SLC6A12: variants seen among roughly 807,000 people sequenced by gnomAD.
SLC6A12 encodes the protein solute carrier family 6 member 12.
Under a neutral mutation model 73.3 loss-of-function variants are expected in SLC6A12, and 50 were observed. The observed-to-expected ratio is 0.68, with a 90% CI of 0.54 to 0.86. SLC6A12 has a LOEUF of 0.86. SLC6A12 is among the 40% of genes least tolerant of loss of function. SLC6A12 has a pLI of 0.00. For synonymous variants in SLC6A12, 304 were observed against 309.2 expected, an observed-to-expected ratio of 0.98 and a Z score of 0.18; for missense variants, 648 against 772.8, an observed-to-expected ratio of 0.84 and a Z score of 1.92.
chr12:200,651 C>CT lies in SLC6A12; in HGVS notation c.710dup (p.Val238GlyfsTer117). 2 of 1,613,902 alleles carry CT rather than the reference C, an allele frequency of 1.2e-6. No homozygotes were observed. The highest frequency in any genetic ancestry group is 8.5e-7 in the Non-Finnish European group (1 of 1,179,890). On this transcript the variant is annotated frameshift_variant and splice_region_variant, in exon 7 of 16. Transcript: ENST00000684302. LOFTEE classifies it high-confidence loss of function. Reference sequence around the variant, plus strand: ...CTTCCCAGGAGGCAGGACATCTCACCTTGCCTGTGGACTTGACCCCCTTCC... The same window carrying CT: ...CTTCCCAGGAGGCAGGACATCTCACCTTTGCCTGTGGACTTGACCCCCTTCC...
intron 2 of SLC6A12, chr12:210,396 T>A (rs903207931): frequency 9.1e-7 from 1 of 1,102,400 alleles, no homozygotes; most frequent in African/African-American, 1.6e-5. Flanking sequence ...GTCTGCTGAG[T>A]GACCTCAGCC....
chr12:208,166 A>G (rs184609968), intron 3 of SLC6A12, among the ~76,000 whole-genome samples: 16 of 152,210 alleles, frequency 1.1e-4, no homozygotes, highest in Non-Finnish European at 1.5e-4. Context: ...TAGTCTGAGC[A>G]CCTCCATCTC....
At position 198,850 on chromosome 12, in the gene SLC6A12, G is replaced by C; in HGVS notation, c.793C>G (p.Gln265Glu). ...GGCTTCAAGTAGTAGATGATGCCCT[G>C]GTAGGCTCCGGGAAGGGTGACACCT... is the stretch of plus-strand genomic sequence containing the variant. ...IRGVTLPGAY[Q>E]GIIYYLKPDL... The change falls in exon 8 of 16, where the codon CAG (glutamine) becomes GAG (glutamate). Residue 265 changes from glutamine (Q) to glutamate (E), a missense_variant. Physicochemically the swap from Gln to Glu is conservative, Grantham distance 29. Coordinates refer to ENST00000684302, the MANE Select transcript of SLC6A12 (RefSeq NM_001122848.3). The surrounding 1 kb of genome is among the most constrained non-coding windows in gnomAD (Gnocchi z 4.0). The C allele has an allele frequency of 1.2e-6, 2 of 1,614,124 alleles. No individual in the cohort carries two copies. Among genetic ancestry groups the C allele is most frequent in the Non-Finnish European group, 8.5e-7 (1 of 1,179,986 alleles).
At position 201,085 on chromosome 12, in the gene SLC6A12, G is replaced by T. The variant is rs1054314178; in HGVS notation, c.579-302C>A. On this transcript the variant is annotated intron_variant, in intron 6 of 15. Transcript: ENST00000684302. Reference sequence around the variant, plus strand: ...AGAGAGTAGATATTTATACATGCAGGTTGATGGGCAAGTGCATGGGTATCC... The same window carrying T: ...AGAGAGTAGATATTTATACATGCAGTTTGATGGGCAAGTGCATGGGTATCC... The T allele has an allele frequency of 8.4e-5, 24 of 286,714 alleles. No homozygotes were observed. In the Admixed American group the frequency reaches 1.0e-3, roughly 12 times the overall value. 17.8% of individuals were successfully genotyped at this position (286,714 alleles called of 1,614,324 possible). A position where few individuals can be genotyped will look rare whatever the true frequency, so the allele number is the denominator to read the frequency against.
At position 198,545 on chromosome 12, in the gene SLC6A12, C is replaced by A. The variant is rs1033059428; in HGVS notation, c.846+252G>T. 9 of 368,220 alleles carry A rather than the reference C, an allele frequency of 2.4e-5. No homozygotes were observed. Among genetic ancestry groups the A allele is most frequent in the Non-Finnish European group, 3.9e-5 (8 of 203,658 alleles). 22.8% of individuals were successfully genotyped at this position (368,220 alleles called of 1,614,324 possible). A position where few individuals can be genotyped will look rare whatever the true frequency, so the allele number is the denominator to read the frequency against. On this transcript the variant is annotated intron_variant, in intron 8 of 15. Coordinates refer to ENST00000684302, the MANE Select transcript of SLC6A12 (RefSeq NM_001122848.3). This position sits in a 1 kb window ranked among gnomAD's most constrained non-coding sequence, Gnocchi z 4.0. ...CACCACTGCACTCCAGCCTGGGGGA[C>A]AGAGCCAGACCCTGCCTGTCTCTAA... is the stretch of plus-strand genomic sequence containing the variant.
At chr12:206,532 C>T (rs745551523) in intron 3 of SLC6A12, among the ~76,000 whole-genome samples, 4 of 152,174 alleles carry the variant, frequency 2.6e-5, no homozygotes, top group East Asian at 1.9e-4. Flanking sequence ...TTTTTAAATA[C>T]GCATTTCCAA....
chr12:203,059 C>CTTTTTTTTTTTTTTT (rs10582500), intron 4 of SLC6A12, among the ~76,000 whole-genome samples, 179 bp from the exon 5 acceptor site: 6 of 68,340 alleles, frequency 8.8e-5, no homozygotes, highest in Non-Finnish European at 1.5e-4. Flanking sequence ...TTTTTCTTTT[C>CTTTTTTTTTTTTTTT]TTTTTTTTTT....
intron 3 of SLC6A12, chr12:204,924 G>C (rs1940550891): frequency 2.0e-6 from 1 of 491,900 alleles, no homozygotes; most frequent in South Asian, 3.5e-5. Flanking sequence ...GAAAGGCCTT[G>C]GAAGGGAAAT....
Position 196,130 on chromosome 12 carries a change from G to T in SLC6A12, c.1320C>A (p.Val440=). The change falls in exon 12 of 16, where the codon GTC becomes GTA. Residue 440 remains valine (V), a synonymous_variant. Transcript: ENST00000684302. ...GCCGGCGGCCGCAGCTCACCTCGGTGACCAGGAAAAGCCCTATCAGGTAGC... is the reference window on the plus strand; with the variant it reads ...GCCGGCGGCCGCAGCTCACCTCGGTTACCAGGAAAAGCCCTATCAGGTAGC... ...VMCYLIGLFL[V]TEGGMYIFQL... 2 of 1,559,256 alleles carry T rather than the reference G, an allele frequency of 1.3e-6. No individual in the cohort carries two copies. Among genetic ancestry groups the T allele is most frequent in the South Asian group, 2.4e-5 (2 of 84,702 alleles).
rs556743181 is a variant in SLC6A12, at chr12:198,078, G to A, written c.847-75C>T. 1.0e-4 allele frequency: 119 copies of A among 1,173,492 alleles called. 1 individual carries two copies. Among genetic ancestry groups the A allele is most frequent in the East Asian group, 1.7e-4 (7 of 42,354 alleles). The allele number at this position is 1,173,492 out of a possible 1,614,324, so 72.7% of individuals were successfully genotyped here. On this transcript the variant is annotated intron_variant, in intron 8 of 15. Transcript: ENST00000684302. The surrounding 1 kb of genome is among the most constrained non-coding windows in gnomAD (Gnocchi z 4.0). ...CCAGGGTGACCCGAGATCCAGACCC[G>A]TCCCCTGCAGCACCAGCCTGGCCCC...
intron 12 of SLC6A12, 41 bp downstream of exon 12, chr12:196,083 T>A: frequency 1.9e-6 from 3 of 1,541,210 alleles, no homozygotes; most frequent in Non-Finnish European, 2.6e-6. Flanking sequence ...CGTGGCTCCC[T>A]CCCCTGGAGC....
At chr12:204,518 G>A (rs750416201) in intron 4 of SLC6A12, 46 bp downstream of exon 4, 3 of 1,594,620 alleles carry the variant, frequency 1.9e-6, no homozygotes, top group South Asian at 2.2e-5. Context: ...GGGGATGCAG[G>A]CAAGATGGCG....
chr12:191,048 G>A lies in SLC6A12; in HGVS notation c.*20C>T, dbSNP rs751890854. On this transcript the variant is annotated 3_prime_UTR_variant, in exon 16 of 16. Transcript: ENST00000684302. ...GACCTAGGTTCCCGGCTTAGGAGCC[G>A]CCTGGCCTCTGGCCACACCCTACAA... The A allele has an allele frequency of 2.8e-5, 36 of 1,301,120 alleles. No homozygotes were observed. Among genetic ancestry groups the A allele is most frequent in the South Asian group, 1.3e-4 (4 of 30,282 alleles). 80.6% of individuals were successfully genotyped at this position (1,301,120 alleles called of 1,614,324 possible). A position where few individuals can be genotyped will look rare whatever the true frequency, so the allele number is the denominator to read the frequency against.
At chr12:206,203 C>T (rs370945864) in intron 3 of SLC6A12, among the ~76,000 whole-genome samples, 34 of 152,294 alleles carry the variant, frequency 2.2e-4, no homozygotes, top group African/African-American at 5.3e-4. Flanking sequence ...CATCCCAGAC[C>T]GAAACTCTGT....
chr12:187,589 C>CAAAAAAAAAA (rs761187495), downstream of SLC6A12, among the ~76,000 whole-genome samples: 173 of 106,014 alleles, frequency 1.6e-3, 6 homozygotes, highest in African/African-American at 2.1e-3. Flanking sequence ...TGCAAAAGAG[C>CAAAAAAAAAA]AAAAAAAAAA....
rs887450267 is a variant in SLC6A12 at position 196,335 on chromosome 12, C to T, written c.1189-74G>A. The T allele has an allele frequency of 1.4e-4, 221 of 1,524,668 alleles. 1 individual carries two copies. In the Middle Eastern group the frequency reaches 1.5e-3, roughly 11 times the overall value. 94.4% of individuals were successfully genotyped at this position (1,524,668 alleles called of 1,614,324 possible). On this transcript the variant is annotated intron_variant, in intron 11 of 15. Coordinates refer to ENST00000684302, the MANE Select transcript of SLC6A12 (RefSeq NM_001122848.3). ...GGCCACCAGCCCTGGCCTCCACTTCCCCTGGCTCATCCACACTGATGCACA... is the reference window on the plus strand; with the variant it reads ...GGCCACCAGCCCTGGCCTCCACTTCTCCTGGCTCATCCACACTGATGCACA...
rs1591807264 is a variant in SLC6A12, at chr12:209,651, T to A, written c.214+122A>T. 3.8e-6 allele frequency: 4 copies of A among 1,056,038 alleles called. No homozygotes were observed. The East Asian group carries it at 9.7e-5, about 26-fold the overall frequency. The allele number at this position is 1,056,038 out of a possible 1,614,324, so 65.4% of individuals were successfully genotyped here. A position where few individuals can be genotyped will look rare whatever the true frequency, so the allele number is the denominator to read the frequency against. The stretch of plus-strand genomic sequence containing the variant: ...GGAGCTGGAACTCAAACTCAAGTCC[T>A]CCAATTCCAAAATAGCCCTCCTTTT... On this transcript the variant is annotated intron_variant, in intron 3 of 15. Coordinates refer to ENST00000684302, the MANE Select transcript of SLC6A12 (RefSeq NM_001122848.3).
In SLC6A12 at chr12:192,425, C is replaced by T. The variant is rs1939641224; in HGVS notation, c.1701+53G>A. On this transcript the variant is annotated intron_variant, in intron 15 of 15. Coordinates refer to ENST00000684302, the MANE Select transcript of SLC6A12 (RefSeq NM_001122848.3). Reference sequence around the variant, plus strand: ...CCAGTTGTGTGTCCTGCCCCAAGTCCAGCCTCTCTCAGTGCCCTCCTTTAA... The same window carrying T: ...CCAGTTGTGTGTCCTGCCCCAAGTCTAGCCTCTCTCAGTGCCCTCCTTTAA... 20 of 1,546,272 alleles carry T rather than the reference C, an allele frequency of 1.3e-5. No individual in the cohort carries two copies. The South Asian group carries it at 1.4e-4, about 10-fold the overall frequency.
downstream of SLC6A12, among the ~76,000 whole-genome samples, chr12:186,155 C>T (rs568858045): frequency 5.3e-5 from 8 of 152,160 alleles, no homozygotes; most frequent in East Asian, 1.4e-3. Flanking sequence ...GGCTGAGGGA[C>T]GCCTCTGAAG....
Sources: gnomAD v4.1 joint callset for allele counts (sites outside exome capture counted in the v4.1 genomes callset) on GRCh38, gnomAD v4.1.1 for gene constraint, Gnocchi (gnomAD v3.1) non-coding constraint, MANE v1.5 for transcripts, NCBI Gene and HGNC (gene_info 2026-07-23, HGNC 2026-07-21) for gene names.